Variants in SH3D19 observed in about 807,000 individuals in gnomAD.
The protein encoded by SH3D19 is SH3 domain containing 19.
SH3D19 carries 58 observed loss-of-function variants against 112.1 expected under a neutral mutation model. The ratio of observed to expected loss-of-function variants is 0.52; its 90% CI spans 0.42 to 0.64. The LOEUF is 0.64. Among genes scored for constraint, SH3D19 ranks in the 30% least tolerant of loss-of-function variants. The pLI, the probability that SH3D19 is intolerant of heterozygous loss-of-function variation, is 0.00. For missense variants in SH3D19, 1,090 were observed against 1,263.4 expected (o/e 0.86, Z 2.08); for synonymous variants, 391 against 448.5 (o/e 0.87, Z 1.62).
intron 1 of SH3D19, among the ~76,000 whole-genome samples, chr4:151,323,964 G>C (rs1351705315): frequency 6.6e-6 from 1 of 152,098 alleles, no homozygotes; most frequent in Non-Finnish European, 1.5e-5. Flanking sequence ...TCTTTGTAAA[G>C]TTTTTTCATT....
chr4:151,125,562 AAGAG>A (rs750546136), intron 19 of SH3D19, among the ~76,000 whole-genome samples: 2 of 151,384 alleles, frequency 1.3e-5, no homozygotes, highest in Non-Finnish European at 2.9e-5. Context: ...GAAAGAAAGA[AAGAG>A]AGAGAGGCCG....
At chr4:151,254,997 G>A (rs868553441) in intron 1 of SH3D19, among the ~76,000 whole-genome samples, 43,352 of 136,464 alleles carry the variant, frequency 0.32, 8,393 homozygotes, top group Non-Finnish European at 0.43. Flanking sequence ...CTGGGCAGAG[G>A]GGCTCCTCAC....
At chr4:151,157,704 T>A (rs1038304579) in intron 9 of SH3D19, among the ~76,000 whole-genome samples, 1 of 152,080 alleles carries the variant, frequency 6.6e-6, no homozygotes, top group Non-Finnish European at 1.5e-5. Flanking sequence ...CAACAACAGA[T>A]AAATGGATAC....
At chr4:151,198,714 A>G (rs1335181884) in intron 2 of SH3D19, among the ~76,000 whole-genome samples, 1 of 152,104 alleles carries the variant, frequency 6.6e-6, no homozygotes, top group Non-Finnish European at 1.5e-5. Context: ...AACAATGTAA[A>G]TTCATAAAAA....
At position 151,154,720 on chromosome 4, in the gene SH3D19, G is replaced by A. The variant is rs367757732; in HGVS notation, c.1755+4520C>T. Reference sequence around the variant, plus strand: ...GCCTCCTGAGCAGCTGGGACTACAGGTGTGTGCCACCACACCTGGCTCATT... The same window carrying A: ...GCCTCCTGAGCAGCTGGGACTACAGATGTGTGCCACCACACCTGGCTCATT... On this transcript the variant is annotated intron_variant, in intron 9 of 19. Transcript: ENST00000604030. Among the ~76,000 whole-genome samples the A allele has an allele frequency of 7.9e-5, 12 of 152,124 alleles. No homozygotes were observed. The East Asian group carries it at 1.7e-3, about 22-fold the overall frequency.
chr4:151,293,091 G>A (rs923183124), intron 1 of SH3D19, among the ~76,000 whole-genome samples: 1 of 152,082 alleles, frequency 6.6e-6, no homozygotes, highest in African/African-American at 2.4e-5. Flanking sequence ...CTGCACTCCA[G>A]CCTGGGCGAG....
chr4:151,153,085 C>T (rs577041356), intron 9 of SH3D19, among the ~76,000 whole-genome samples: 45 of 151,900 alleles, frequency 3.0e-4, no homozygotes, highest in Middle Eastern at 3.4e-3. Context: ...CCATCCACCT[C>T]GGCCTCCCAA....
chr4:151,301,294 C>T (rs1176355785), intron 1 of SH3D19, among the ~76,000 whole-genome samples: 1 of 152,252 alleles, frequency 6.6e-6, no homozygotes, highest in African/African-American at 2.4e-5. Context: ...ATGGCGCAAT[C>T]TCGGCTCACC....
chr4:151,303,719 T>G (rs1488677410), intron 1 of SH3D19, among the ~76,000 whole-genome samples: 2 of 152,092 alleles, frequency 1.3e-5, no homozygotes, highest in Non-Finnish European at 2.9e-5. Flanking sequence ...AGATATCCCT[T>G]GGATATCATG....
At position 151,183,755 on chromosome 4, in the gene SH3D19, A is replaced by T. The variant is rs557332288; in HGVS notation, c.193+3668T>A. On this transcript the variant is annotated intron_variant, in intron 3 of 19. Transcript: ENST00000604030. Reference sequence around the variant, plus strand: ...TCAATGAAAATCACAATAATATAAGAAACTTACTGACTACATTTGTTTGGG... The same window carrying T: ...TCAATGAAAATCACAATAATATAAGTAACTTACTGACTACATTTGTTTGGG... Among the ~76,000 whole-genome samples, 23 of 152,352 alleles carry T rather than the reference A, an allele frequency of 1.5e-4. No homozygotes were observed. In the South Asian group the frequency reaches 4.8e-3, roughly 32 times the overall value.
intron 1 of SH3D19, among the ~76,000 whole-genome samples, chr4:151,229,646 T>G (rs959964791): frequency 6.6e-6 from 1 of 152,100 alleles, no homozygotes; most frequent in Non-Finnish European, 1.5e-5. Context: ...GGTGCAGTGG[T>G]TCACACCTGT....
intron 9 of SH3D19, among the ~76,000 whole-genome samples, chr4:151,157,042 AG>A (rs995556828): frequency 4.6e-5 from 7 of 152,198 alleles, no homozygotes; most frequent in African/African-American, 1.7e-4. Context: ...GCTTGAATCC[AG>A]GAGTTCAAGA....
chr4:151,198,298 C>T (rs1763788287), intron 2 of SH3D19, among the ~76,000 whole-genome samples: 1 of 122,828 alleles, frequency 8.1e-6, no homozygotes, highest in African/African-American at 2.8e-5. Flanking sequence ...CAGCGAGACT[C>T]TGTCTCAAAA....
chr4:151,315,816 T>C (rs2126389130), intron 1 of SH3D19, among the ~76,000 whole-genome samples: 1 of 152,152 alleles, frequency 6.6e-6, no homozygotes, highest in Admixed American at 6.6e-5. Flanking sequence ...TCATGCAAAA[T>C]AATTTCTAAA....
At position 151,165,624 on chromosome 4, in the gene SH3D19, G is replaced by C. The variant is rs143505993; in HGVS notation, c.1607C>G (p.Pro536Arg). ...RAVQPAPTRK[P>R]TVIRIPAKPG... ...TTTGGCTGGAATTCGAATTACAGTG[G>C]GCTTCCTGGTGGGTGCTGGTTGAAC... Residue 536 changes from proline (P) to arginine (R), a missense_variant, in exon 8 of 20, where the codon CCC becomes CGC. Pro to Arg is a moderately radical substitution (Grantham distance 103). Transcript: ENST00000604030. The C allele has an allele frequency of 2.1e-5, 34 of 1,614,126 alleles. No homozygotes were observed. The African/African-American group carries it at 3.3e-4, about 16-fold the overall frequency.
At chr4:151,156,944 G>C (rs1016889495) in intron 9 of SH3D19, among the ~76,000 whole-genome samples, 1 of 152,126 alleles carries the variant, frequency 6.6e-6, no homozygotes, top group African/African-American at 2.4e-5. Flanking sequence ...GAATACAAAA[G>C]AAACTCAAAC....
At chr4:151,236,418 C>T (rs566432307) in intron 1 of SH3D19, among the ~76,000 whole-genome samples, 6 of 152,356 alleles carry the variant, frequency 3.9e-5, no homozygotes, top group South Asian at 4.1e-4. Context: ...AGTCCCACCG[C>T]GAGGGCCATT....
In SH3D19 at chr4:151,176,560, T is replaced by C; in HGVS notation, c.503A>G (p.Glu168Gly). The C allele has an allele frequency of 3.2e-6, 4 of 1,232,182 alleles. No individual in the cohort carries two copies. The highest frequency in any genetic ancestry group is 4.0e-6 in the Non-Finnish European group (4 of 987,970). 76.3% of individuals were successfully genotyped at this position (1,232,182 alleles called of 1,614,324 possible). ...TTGAGGCAGATCGTTGTCTATTTCT[T>C]CTGAAAAGTCAGTCTGAGTTGCAGA... Reference protein sequence around the residue: ...ITSATQTDFSEEIDNDLPQTL... With the variant: ...ITSATQTDFSGEIDNDLPQTL... Residue 168 changes from glutamate (E) to glycine (G), a missense_variant, in exon 6 of 20, where the codon GAA becomes GGA. Coordinates refer to ENST00000604030, the MANE Select transcript of SH3D19 (RefSeq NM_001378122.1).
chr4:151,323,391 A>G (rs1334782029), intron 1 of SH3D19, among the ~76,000 whole-genome samples: 1 of 152,252 alleles, frequency 6.6e-6, no homozygotes, highest in African/African-American at 2.4e-5. Flanking sequence ...GGAGAGCAAC[A>G]TCTAGCACAG....
Sources: gnomAD v4.1 joint callset for allele counts (sites outside exome capture counted in the v4.1 genomes callset) on GRCh38, gnomAD v4.1.1 for gene constraint, MANE v1.5 for transcripts, NCBI Gene and HGNC (gene_info 2026-07-23, HGNC 2026-07-21) for gene names.